Variants in GGCX observed in about 807,000 individuals in gnomAD.
GGCX encodes the protein vitamin K-dependent gamma-carboxylase.
In GGCX, 63 loss-of-function variants were observed where a neutral mutation model predicts 88.5. The observed-to-expected ratio is 0.71, with a 90% CI of 0.58 to 0.88. GGCX has a LOEUF of 0.88. Among genes scored for constraint, GGCX ranks in the 40% least tolerant of loss-of-function variants. GGCX has a pLI of 0.00. For missense variants in GGCX, 805 were observed against 932.9 expected (o/e 0.86, Z 1.79); for synonymous variants, 368 against 365.8 (o/e 1.01, Z -0.07).
chr2:85,561,283 C>CAA, intron 1 of GGCX, 103 bp downstream of exon 1: 1 of 649,132 alleles, frequency 1.5e-6, no homozygotes. Flanking sequence ...CAGAGGACCC[C>CAA]CCCCCCGCCT....
In GGCX at chr2:85,556,233, A is replaced by G. The variant is rs1464921644; in HGVS notation, c.567T>C (p.His189=). 3 of 1,609,026 alleles carry G rather than the reference A, an allele frequency of 1.9e-6. No homozygotes were observed. Among genetic ancestry groups the G allele is most frequent in the Non-Finnish European group, 2.5e-6 (3 of 1,177,202 alleles). The change falls in exon 5 of 15, where the codon CAT becomes CAC. Residue 189 remains histidine (H), a synonymous_variant. Transcript: ENST00000233838. ...YWSVDGLLNA[H]RRNAHVPLWN... is the part of the protein sequence containing the mutation. ...AAAGGGGCACGTGGGCATTCCTCCTATGGGCATTCAGCAGACCGTCCACAG... is the reference window on the plus strand; with the variant it reads ...AAAGGGGCACGTGGGCATTCCTCCTGTGGGCATTCAGCAGACCGTCCACAG...
At chr2:85,550,166 T>A (rs374082759) in intron 14 of GGCX, 40 bp from the exon 15 acceptor site, 2 of 1,482,080 alleles carry the variant, frequency 1.3e-6, no homozygotes, top group South Asian at 2.3e-5. Context: ...CAAACTCCTG[T>A]TTCACCAGAA....
intron 12 of GGCX, 132 bp downstream of exon 12, chr2:85,551,348 T>TG: frequency 1.1e-6 from 1 of 901,306 alleles, no homozygotes; most frequent in Non-Finnish European, 1.8e-6. Context: ...TTGTTAGAGA[T>TG]GGGGTCTCAC....
In GGCX at chr2:85,553,556, G is replaced by A. The variant is rs184087853; in HGVS notation, c.890-59C>T. On this transcript the variant is annotated intron_variant, in intron 7 of 14. Transcript: ENST00000233838. ...AGTTTGGCTGGGCCTCTTCAACCCC[G>A]TTCCCTTAGGAGACTTCTCCCAGGT... The A allele has an allele frequency of 3.1e-5, 48 of 1,525,528 alleles. No individual in the cohort carries two copies. The African/African-American group carries it at 3.4e-4, about 11-fold the overall frequency. The allele number at this position is 1,525,528 out of a possible 1,614,324, so 94.5% of individuals were successfully genotyped here.
rs972954833 is a variant in GGCX at position 85,545,211 on chromosome 2, T to C, written c.*4723A>G. 13 of 152,776 alleles carry C rather than the reference T, an allele frequency of 8.5e-5. No homozygotes were observed. Among genetic ancestry groups the C allele is most frequent in the African/African-American group, 2.4e-4 (10 of 41,580 alleles). The allele number at this position is 152,776 out of a possible 1,614,324, so 9.5% of individuals were successfully genotyped here. ...TTCAGGATCTATTTTTGGAGGTTTA[T>C]TACGTATGTCTGGTTCTCAATTCCA... On this transcript the variant is annotated 3_prime_UTR_variant, in exon 15 of 15. Coordinates refer to ENST00000233838, the MANE Select transcript of GGCX (RefSeq NM_000821.7).
chr2:85,553,587 A>C, intron 7 of GGCX, 90 bp from the exon 8 acceptor site: 25 of 1,257,874 alleles, frequency 2.0e-5, no homozygotes, highest in South Asian at 1.1e-4. Flanking sequence ...CAGGTGTTCC[A>C]CTGAAAAGGA....
At chr2:85,559,844 A>T (rs1184707718) in intron 2 of GGCX, among the ~76,000 whole-genome samples, 1 of 152,216 alleles carries the variant, frequency 6.6e-6, no homozygotes, top group Non-Finnish European at 1.5e-5. Flanking sequence ...GGCTACTCAG[A>T]TCAGGAAGCC....
chr2:85,552,513 C>T lies in GGCX; in HGVS notation c.1342G>A (p.Ala448Thr), dbSNP rs1208312838. The T allele has an allele frequency of 4.3e-6, 7 of 1,613,826 alleles. No homozygotes were observed. Among genetic ancestry groups the T allele is most frequent in the South Asian group, 1.1e-5 (1 of 91,074 alleles). ...KDHADMLKQY[A>T]TCLSRLLPKY... Reference sequence around the variant, plus strand: ...GGAAGCAGGCGGCTCAGGCAAGTGGCATATTGCTTCAGCATGTCTGCATGA... The same window carrying T: ...GGAAGCAGGCGGCTCAGGCAAGTGGTATATTGCTTCAGCATGTCTGCATGA... Residue 448 changes from alanine to threonine, a missense_variant, in exon 10 of 15, where the codon GCC becomes ACC. Coordinates refer to ENST00000233838, the MANE Select transcript of GGCX (RefSeq NM_000821.7).
At chr2:85,556,781 G>C (rs1256947468) in intron 4 of GGCX, among the ~76,000 whole-genome samples, 1 of 152,144 alleles carries the variant, frequency 6.6e-6, no homozygotes, top group East Asian at 1.9e-4. Context: ...ACTAACACCA[G>C]ATGTACTCTG....
chr2:85,558,892 CA>C (rs1692316821), intron 3 of GGCX, 24 bp downstream of exon 3: 1 of 1,606,722 alleles, frequency 6.2e-7, no homozygotes, highest in South Asian at 1.1e-5. Context: ...GCAGGCCAGT[CA>C]ATATTTCCCA....
chr2:85,558,782 G>T, intron 3 of GGCX, 135 bp downstream of exon 3: 1 of 897,670 alleles, frequency 1.1e-6, no homozygotes, highest in Non-Finnish European at 1.8e-6. Context: ...CAGCTTAAGT[G>T]ACACACAGGT....
chr2:85,550,421 A>G (rs1691883827), intron 14 of GGCX, 134 bp downstream of exon 14: 2 of 736,434 alleles, frequency 2.7e-6, no homozygotes, highest in Non-Finnish European at 4.8e-6. Context: ...TAAATCAAGA[A>G]GAATGGCAGG....
At chr2:85,550,418 A>G (rs1691883495) in intron 14 of GGCX, 137 bp downstream of exon 14, 2 of 730,110 alleles carry the variant, frequency 2.7e-6, no homozygotes, top group Admixed American at 4.2e-5. Context: ...CAGTAAATCA[A>G]GAAGAATGGC....
chr2:85,552,828 G>T, intron 9 of GGCX, 111 bp downstream of exon 9: 2 of 1,230,862 alleles, frequency 1.6e-6, no homozygotes, highest in Non-Finnish European at 2.4e-6. Flanking sequence ...TTGAGAAAAG[G>T]CAAAGCAGAC....
Position 85,558,463 on chromosome 2 carries a change from T to C in GGCX, c.516A>G (p.Thr172=), listed in dbSNP as rs148379673. 1.3e-4 allele frequency: 207 copies of C among 1,614,108 alleles called. No homozygotes were observed. In the African/African-American group the frequency reaches 2.2e-3, roughly 17 times the overall value. The change falls in exon 4 of 15, where the codon ACA becomes ACG. Residue 172 remains threonine, a synonymous_variant. Transcript: ENST00000233838. ...ACCAGTAGTGGTTTGCATCCATGAA[T>C]GTTAGCTGAAAGGCCAACAACCCAT... ...YLYGLLAFQL[T]FMDANHYWSV...
At position 85,546,437 on chromosome 2, in the gene GGCX, CTG is replaced by C. The variant is rs1042986717; in HGVS notation, c.*3495_*3496del. ...GACTTAAAAAAAAAGCCGTGGAAATCTGGGTATGGTAGCTTACACCTGTAATC... is the reference window on the plus strand; with the variant it reads ...GACTTAAAAAAAAAGCCGTGGAAATCGGTATGGTAGCTTACACCTGTAATC... On this transcript the variant is annotated 3_prime_UTR_variant, in exon 15 of 15. Coordinates refer to ENST00000233838, the MANE Select transcript of GGCX (RefSeq NM_000821.7). 8 of 151,846 alleles carry C rather than the reference CTG, an allele frequency of 5.3e-5. No homozygotes were observed. Among genetic ancestry groups the C allele is most frequent in the African/African-American group, 1.7e-4 (7 of 41,290 alleles). 9.4% of individuals were successfully genotyped at this position (151,846 alleles called of 1,614,324 possible). A position where few individuals can be genotyped will look rare whatever the true frequency, so the allele number is the denominator to read the frequency against.
chr2:85,558,356 A>G, intron 4 of GGCX, 84 bp downstream of exon 4: 1 of 1,203,086 alleles, frequency 8.3e-7, no homozygotes, highest in Non-Finnish European at 1.2e-6. Flanking sequence ...ATGACTGAAA[A>G]ATTCCAGAAC....
intron 10 of GGCX, 52 bp downstream of exon 10, chr2:85,552,364 G>C: frequency 6.5e-7 from 1 of 1,545,620 alleles, no homozygotes; most frequent in Non-Finnish European, 8.9e-7. Context: ...TGTTCATCTT[G>C]GTAAAAAGAA....
In GGCX at chr2:85,549,672, A is replaced by G. The variant is rs906033996; in HGVS notation, c.*262T>C. 4.4e-6 allele frequency: 2 copies of G among 451,092 alleles called. No individual in the cohort carries two copies. Among genetic ancestry groups the G allele is most frequent in the Non-Finnish European group, 8.1e-6 (2 of 246,984 alleles). The allele number at this position is 451,092 out of a possible 1,614,324, so 27.9% of individuals were successfully genotyped here. The stretch of plus-strand genomic sequence containing the variant: ...CACGGCACCCAGCCCCCAAAAAGCC[A>G]CTTTAAACCTTATCCTAGGAGGACA... On this transcript the variant is annotated 3_prime_UTR_variant, in exon 15 of 15. Transcript: ENST00000233838.
Sources: gnomAD v4.1 joint callset for allele counts (sites outside exome capture counted in the v4.1 genomes callset) on GRCh38, gnomAD v4.1.1 for gene constraint, MANE v1.5 for transcripts, NCBI Gene and HGNC (gene_info 2026-07-23, HGNC 2026-07-21) for gene names.